GRK7: variants seen among roughly 807,000 people sequenced by gnomAD.
GRK7 encodes rhodopsin kinase GRK7.
Under a neutral mutation model 34.1 loss-of-function variants are expected in GRK7, and 24 were observed. The ratio of observed to expected loss-of-function variants is 0.70; its 90% CI spans 0.51 to 0.99. GRK7 has a LOEUF of 0.99. Among genes scored for constraint, GRK7 ranks in the 50% least tolerant of loss-of-function variants. GRK7 has a pLI of 0.00. For missense variants in GRK7, 644 were observed against 707.3 expected (o/e 0.91, Z 1.02); for synonymous variants, 256 against 279.4 (o/e 0.92, Z 0.84).
At chr3:141,750,801 A>G in the GRK7 span, among the ~76,000 whole-genome samples, 885 of 148,924 alleles carry the variant, frequency 5.9e-3, 1 homozygote, top group African/African-American at 0.021. Flanking sequence ...ACACATTCCC[A>G]TCAGCAACAA....
intron 5 of GRK7, among the ~76,000 whole-genome samples, chr3:141,810,569 C>A (rs1376071744): frequency 6.6e-6 from 1 of 152,130 alleles, no homozygotes; most frequent in Non-Finnish European, 1.5e-5. Flanking sequence ...GGCTGGAGTG[C>A]AATGGCACAA....
chr3:141,804,797 A>G (rs1711009019), intron 4 of GRK7, among the ~76,000 whole-genome samples: 1 of 150,380 alleles, frequency 6.6e-6, no homozygotes, highest in African/African-American at 2.5e-5. Context: ...ACACGCACAC[A>G]TACACACATG....
chr3:141,784,260 A>G (rs538839002), intron 4 of GRK7, among the ~76,000 whole-genome samples: 1 of 152,254 alleles, frequency 6.6e-6, no homozygotes, highest in Admixed American at 6.5e-5. Context: ...GCTGTCCGCT[A>G]CCAGGAACGT....
intron 4 of GRK7, among the ~76,000 whole-genome samples, chr3:141,796,629 G>A (rs1710882039): frequency 6.6e-6 from 1 of 152,226 alleles, no homozygotes; most frequent in African/African-American, 2.4e-5. Context: ...GACACTCACA[G>A]TTGTCTTGCT....
intron 5 of GRK7, among the ~76,000 whole-genome samples, chr3:141,808,497 G>T (rs911702416): frequency 6.6e-6 from 1 of 152,114 alleles, no homozygotes; most frequent in Non-Finnish European, 1.5e-5. Context: ...GGTGGATCAC[G>T]AGGTCAGGAG....
chr3:141,787,394 C>T (rs1429632084), intron 4 of GRK7, among the ~76,000 whole-genome samples: 9 of 152,108 alleles, frequency 5.9e-5, no homozygotes, highest in South Asian at 2.1e-4. Flanking sequence ...GAGGCTGAGG[C>T]GGGTGGATCA....
chr3:141,782,261 T>A (rs1220012479), intron 4 of GRK7, among the ~76,000 whole-genome samples: 1 of 151,844 alleles, frequency 6.6e-6, no homozygotes, highest in East Asian at 1.9e-4. Context: ...ATAATGGGGG[T>A]CTGTACAGGA....
At chr3:141,750,717 C>A in the GRK7 span, among the ~76,000 whole-genome samples, 1 of 149,728 alleles carries the variant, frequency 6.7e-6, no homozygotes, top group Non-Finnish European at 1.5e-5. Context: ...CAGCTACAAC[C>A]TGTAAAAAAA....
chr3:141,756,328 G>GC, the GRK7 span, among the ~76,000 whole-genome samples: 2 of 95,802 alleles, frequency 2.1e-5, no homozygotes, highest in African/African-American at 8.6e-5. Context: ...AAAAAAAAAG[G>GC]TGGGGGGGTG....
chr3:141,778,301 C>A lies in GRK7; in HGVS notation c.17C>A (p.Ala6Asp), dbSNP rs377464259. The change falls in exon 3 of 6, where the codon GCC becomes GAC. Residue 6 changes from alanine to aspartate, a missense_variant. Physicochemically the swap from Ala to Asp is moderately radical, Grantham distance 126. Coordinates refer to ENST00000682958, the MANE Select transcript of GRK7 (RefSeq NM_139209.3). This position sits in a 1 kb window ranked among gnomAD's most constrained non-coding sequence, Gnocchi z 4.1. ...TGCTCAGCCATGGTGGACATGGGGG[C>A]CCTGGACAACCTGATCGCCAACACC... MVDMG[A>D]LDNLIANTAY... 35 of 1,577,418 alleles carry A rather than the reference C, an allele frequency of 2.2e-5. No homozygotes were observed. The highest frequency in any genetic ancestry group is 2.9e-5 in the Non-Finnish European group (34 of 1,159,350).
At chr3:141,790,114 G>A (rs1016814548) in intron 4 of GRK7, among the ~76,000 whole-genome samples, 2 of 152,080 alleles carry the variant, frequency 1.3e-5, no homozygotes, top group Admixed American at 6.6e-5. Context: ...TGATTCTCCC[G>A]CCTCAGCCTG....
chr3:141,787,530 A>G (rs1445252423), intron 4 of GRK7, among the ~76,000 whole-genome samples: 2 of 151,724 alleles, frequency 1.3e-5, no homozygotes. Flanking sequence ...TGGCTGAGGC[A>G]GGAGAATTGC....
At chr3:141,814,519 C>T (rs758914788) in intron 5 of GRK7, among the ~76,000 whole-genome samples, 2 of 152,180 alleles carry the variant, frequency 1.3e-5, no homozygotes, top group Non-Finnish European at 2.9e-5. Flanking sequence ...AGAAAATGGT[C>T]TCCAGCTGCT....
chr3:141,815,699 CTGTGTGTGTG>C (rs61336912), intron 5 of GRK7, among the ~76,000 whole-genome samples: 11 of 146,012 alleles, frequency 7.5e-5, no homozygotes, highest in African/African-American at 2.0e-4. Context: ...CTATTTTGAG[CTGTGTGTGTG>C]TGTGTGTGTG....
chr3:141,786,134 A>T (rs2084695097), intron 4 of GRK7, among the ~76,000 whole-genome samples: 1 of 152,104 alleles, frequency 6.6e-6, no homozygotes, highest in African/African-American at 2.4e-5. Context: ...TGAAAAATAG[A>T]GTATTTCATT....
the GRK7 span, among the ~76,000 whole-genome samples, chr3:141,757,221 C>T: frequency 2.8e-5 from 4 of 141,508 alleles, no homozygotes; most frequent in Non-Finnish European, 6.0e-5. Flanking sequence ...CATATGTATA[C>T]ATGTGCCATG....
intron 4 of GRK7, among the ~76,000 whole-genome samples, chr3:141,804,355 C>T (rs957842500): frequency 6.6e-5 from 10 of 152,156 alleles, no homozygotes; most frequent in African/African-American, 2.4e-4. Flanking sequence ...TCCCATCTCC[C>T]CTCCCTCCAT....
intron 4 of GRK7, among the ~76,000 whole-genome samples, chr3:141,797,046 G>T (rs1449489219): frequency 6.6e-6 from 1 of 152,222 alleles, no homozygotes; most frequent in Admixed American, 6.5e-5. Flanking sequence ...GCTTATAACT[G>T]GTAGAGCTGG....
At chr3:141,788,348 C>T (rs559333614) in intron 4 of GRK7, among the ~76,000 whole-genome samples, 3 of 152,152 alleles carry the variant, frequency 2.0e-5, no homozygotes, top group Admixed American at 6.5e-5. Context: ...TGGGGAGAAA[C>T]GGGAACCCAC....
Sources: allele counts gnomAD v4.1 joint callset (sites outside exome capture counted in the v4.1 genomes callset), GRCh38; gene constraint gnomAD v4.1.1; non-coding constraint Gnocchi (gnomAD v3.1); transcripts MANE v1.5; gene names NCBI Gene and HGNC (gene_info 2026-07-23, HGNC 2026-07-21).